PLPP4: variants seen among roughly 807,000 people sequenced by gnomAD.
The protein encoded by PLPP4 is phospholipid phosphatase 4.
PLPP4 carries 20 observed loss-of-function variants against 32.2 expected under a neutral mutation model. That is an observed-to-expected ratio of 0.62 (90% CI 0.44 to 0.90). The LOEUF (loss-of-function observed/expected upper bound fraction) is 0.90, where lower values mean the gene tolerates loss of function less well. Ranked by LOEUF, PLPP4 falls within the 40% of genes least tolerant of loss-of-function variation. The pLI, the probability that PLPP4 is intolerant of heterozygous loss-of-function variation, is 0.00. For missense variants in PLPP4, 257 were observed against 353.1 expected (o/e 0.73, Z 2.18); for synonymous variants, 127 against 133.0 (o/e 0.95, Z 0.31).
intron 5 of PLPP4, among the ~76,000 whole-genome samples, chr10:120,549,516 A>G (rs186014399): frequency 6.6e-6 from 1 of 152,062 alleles, no homozygotes; most frequent in Admixed American, 6.6e-5. Flanking sequence ...CTGTAAGGCT[A>G]TACAGATAAG....
At chr10:120,519,064 C>T (rs1463051164) in intron 4 of PLPP4, among the ~76,000 whole-genome samples, 168 bp downstream of exon 4, 1 of 152,140 alleles carries the variant, frequency 6.6e-6, no homozygotes, top group Admixed American at 6.5e-5. Context: ...CTTTGAATTA[C>T]AAACTCACTA....
rs527890933 is a variant in PLPP4 at position 120,457,311 on chromosome 10, G to A, written c.6G>A (p.Arg2=). Reference sequence around the variant, plus strand: ...GGAGCTGCTCCGGCCGCACCATGCGGGAGCTGGCCATTGAGATCGGGGTGC... The same window carrying A: ...GGAGCTGCTCCGGCCGCACCATGCGAGAGCTGGCCATTGAGATCGGGGTGC... M[R]ELAIEIGVRA... Residue 2 remains arginine (R), a synonymous_variant, in exon 1 of 7, where the codon CGG becomes CGA. Coordinates refer to ENST00000398250, the MANE Select transcript of PLPP4 (RefSeq NM_001030059.3). The A allele has an allele frequency of 1.3e-6, 2 of 1,528,248 alleles. No individual in the cohort carries two copies. Among genetic ancestry groups the A allele is most frequent in the South Asian group, 1.2e-5 (1 of 80,770 alleles). 94.7% of individuals were successfully genotyped at this position (1,528,248 alleles called of 1,614,324 possible).
At chr10:120,580,321 C>T (rs1380933648) in intron 6 of PLPP4, among the ~76,000 whole-genome samples, 1 of 152,042 alleles carries the variant, frequency 6.6e-6, no homozygotes, top group African/African-American at 2.4e-5. Flanking sequence ...AGAGTGCTGC[C>T]TTCCTTTTAT....
At chr10:120,579,244 C>T (rs1353022342) in intron 6 of PLPP4, among the ~76,000 whole-genome samples, 3 of 152,102 alleles carry the variant, frequency 2.0e-5, no homozygotes, top group African/African-American at 7.2e-5. Flanking sequence ...TTTAAGCAGC[C>T]CTGGGTGCCT....
chr10:120,569,171 G>A (rs778765727), intron 5 of PLPP4, among the ~76,000 whole-genome samples: 7 of 151,918 alleles, frequency 4.6e-5, no homozygotes, highest in Non-Finnish European at 8.8e-5. Context: ...TCCGGGAGGC[G>A]GAGGTTGTAG....
chr10:120,547,245 C>G lies in PLPP4; in HGVS notation c.445+26150C>G, dbSNP rs886437591. On this transcript the variant is annotated intron_variant, in intron 5 of 6. Coordinates refer to ENST00000398250, the MANE Select transcript of PLPP4 (RefSeq NM_001030059.3). ...TTTCTTGATTAAGAAGAAATAAATG[C>G]CTTTCAAAGAAAGGCATTTATTTCA... Among the ~76,000 whole-genome samples, 177 of 151,384 alleles carry G rather than the reference C, an allele frequency of 1.2e-3. 2 individuals carry two copies. Among genetic ancestry groups the G allele is most frequent in the Non-Finnish European group, 4.3e-4 (29 of 67,752 alleles).
intron 5 of PLPP4, among the ~76,000 whole-genome samples, chr10:120,553,501 C>T (rs1158340853): frequency 7.9e-5 from 12 of 152,188 alleles, no homozygotes; most frequent in Non-Finnish European, 2.9e-5. Context: ...GCCTCCAGAA[C>T]TGGGAGAAAT....
chr10:120,522,043 T>C (rs1055712571), intron 5 of PLPP4, among the ~76,000 whole-genome samples: 3 of 151,846 alleles, frequency 2.0e-5, no homozygotes, highest in African/African-American at 7.3e-5. Context: ...AGTGCCCAGG[T>C]AGTGACAGAT....
At chr10:120,470,289 C>T (rs1241131682) in intron 1 of PLPP4, among the ~76,000 whole-genome samples, 1 of 152,184 alleles carries the variant, frequency 6.6e-6, no homozygotes, top group Non-Finnish European at 1.5e-5. Context: ...TCTATTGGAT[C>T]TCTGAATTAT....
At chr10:120,545,651 A>C (rs1184442008) in intron 5 of PLPP4, among the ~76,000 whole-genome samples, 1 of 152,042 alleles carries the variant, frequency 6.6e-6, no homozygotes, top group African/African-American at 2.4e-5. Context: ...GTCTCGTCTC[A>C]CTCTGCCCTG....
At position 120,589,550 on chromosome 10, in the gene PLPP4, C is replaced by G; in HGVS notation, c.*48C>G. 7.0e-7 allele frequency: 1 copy of G among 1,426,976 alleles called. No homozygotes were observed. Among genetic ancestry groups the G allele is most frequent in the East Asian group, 2.3e-5 (1 of 43,722 alleles). The allele number at this position is 1,426,976 out of a possible 1,614,324, so 88.4% of individuals were successfully genotyped here. ...ACTAAGCCCTGGGCACATCTGCCAC[C>G]CTGACATCATAACACAATAGAAATG... On this transcript the variant is annotated 3_prime_UTR_variant, in exon 7 of 7. Coordinates refer to ENST00000398250, the MANE Select transcript of PLPP4 (RefSeq NM_001030059.3).
chr10:120,496,750 T>A (rs1844980070), intron 1 of PLPP4, among the ~76,000 whole-genome samples: 1 of 152,160 alleles, frequency 6.6e-6, no homozygotes, highest in South Asian at 2.1e-4. Context: ...AAGATGATAG[T>A]CCACTCTCTG....
rs755080502 is a variant in PLPP4, at chr10:120,520,980, C to T, written c.330C>T (p.Pro110=). ...ATGGTGTCTTTTGTAGACCTCGCCC[C>T]GATTTCTTTTACCGCTGCTTTCCAG... ...TIKLIVGRPR[P]DFFYRCFPDG... is the part of the protein sequence containing the mutation. Residue 110 remains proline (P), a synonymous_variant, in exon 5 of 7, where the codon CCC becomes CCT. Transcript: ENST00000398250. 2.4e-5 allele frequency: 38 copies of T among 1,613,746 alleles called. No homozygotes were observed. Among genetic ancestry groups the T allele is most frequent in the Non-Finnish European group, 2.5e-5 (29 of 1,179,946 alleles).
intron 5 of PLPP4, among the ~76,000 whole-genome samples, chr10:120,534,316 A>G (rs1272240264): frequency 2.6e-5 from 4 of 151,504 alleles, no homozygotes; most frequent in Admixed American, 1.3e-4. Flanking sequence ...TGTTCATCTT[A>G]TTAGGGTTCC....
intron 1 of PLPP4, among the ~76,000 whole-genome samples, chr10:120,458,588 T>G (rs758484812): frequency 3.3e-5 from 5 of 152,084 alleles, no homozygotes; most frequent in Non-Finnish European, 7.4e-5. Flanking sequence ...AGAGTATTTA[T>G]TCACACCATC....
chr10:120,565,355 T>TGTGTGC (rs1554896519), intron 5 of PLPP4, among the ~76,000 whole-genome samples: 2,819 of 132,664 alleles, frequency 0.021, 46 homozygotes, highest in Admixed American at 0.037. Flanking sequence ...TGTGTGTGTG[T>TGTGTGC]GTGTGTGCTG....
At chr10:120,588,370 G>A (rs1849860257) in intron 6 of PLPP4, among the ~76,000 whole-genome samples, 1 of 150,224 alleles carries the variant, frequency 6.7e-6, no homozygotes, top group Middle Eastern at 3.2e-3. Context: ...TGCCTCACCT[G>A]CTCCCCTCTT....
At chr10:120,564,150 A>G (rs1354083190) in intron 5 of PLPP4, among the ~76,000 whole-genome samples, 1 of 152,114 alleles carries the variant, frequency 6.6e-6, no homozygotes, top group African/African-American at 2.4e-5. Flanking sequence ...GCTATATTCT[A>G]TAAGTTTTAA....
At chr10:120,527,091 CCTAT>C (rs1042911076) in intron 5 of PLPP4, among the ~76,000 whole-genome samples, 6 of 148,988 alleles carry the variant, frequency 4.0e-5, no homozygotes, top group Non-Finnish European at 9.0e-5. Flanking sequence ...TGTCTGTCTA[CCTAT>C]CTGTCTATTT....
Sources: gnomAD v4.1 joint callset for allele counts (sites outside exome capture counted in the v4.1 genomes callset) on GRCh38, gnomAD v4.1.1 for gene constraint, MANE v1.5 for transcripts, NCBI Gene and HGNC (gene_info 2026-07-23, HGNC 2026-07-21) for gene names.